The following PPP1R9B variants were observed in gnomAD, a reference collection of about 807,000 sequenced individuals.
PPP1R9B encodes neurabin-2.
Under a neutral mutation model 75.8 loss-of-function variants are expected in PPP1R9B, and 17 were observed. The ratio of observed to expected loss-of-function variants is 0.22; its 90% CI spans 0.15 to 0.34. The LOEUF (loss-of-function observed/expected upper bound fraction) is 0.34. PPP1R9B is among the 10% of genes least tolerant of loss of function. The pLI, the probability that PPP1R9B is intolerant of heterozygous loss-of-function variation, is 1.00. For synonymous variants in PPP1R9B, 509 were observed against 535.4 expected (o/e 0.95, Z 0.68); for missense variants, 875 against 1,196.0 (o/e 0.73, Z 3.96).
At chr17:50,135,904 G>A (rs1352053640) in intron 8 of PPP1R9B, 64 bp downstream of exon 8, 28 of 1,273,136 alleles carry the variant, frequency 2.2e-5, no homozygotes, top group Non-Finnish European at 2.7e-5. Flanking sequence ...GGATGGGGAG[G>A]GACTGTCCCC....
rs1023446487 is a variant in PPP1R9B, at chr17:50,134,907, G to A, written c.*424C>T. On this transcript the variant is annotated 3_prime_UTR_variant, in exon 10 of 10. Transcript: ENST00000612501. The stretch of plus-strand genomic sequence containing the variant: ...GTAGAATCTCAAGTCAAGAGGCCCA[G>A]GGGCCACCCAGGTGCCCCATGGGCA... 2.6e-5 allele frequency: 5 copies of A among 191,474 alleles called. No homozygotes were observed. The highest frequency in any genetic ancestry group is 5.5e-5 in the Non-Finnish European group (5 of 91,648). The allele number at this position is 191,474 out of a possible 1,614,324, so 11.9% of individuals were successfully genotyped here.
At chr17:50,140,981 G>A (rs1026273045) in intron 4 of PPP1R9B, among the ~76,000 whole-genome samples, 4 of 152,166 alleles carry the variant, frequency 2.6e-5, no homozygotes, top group Non-Finnish European at 5.9e-5. Context: ...AGTGAGTCAG[G>A]GACAGGTAGG....
At position 50,149,647 on chromosome 17, in the gene PPP1R9B, G is replaced by C. The variant is rs1426614094; in HGVS notation, c.867C>G (p.Pro289=). The C allele has an allele frequency of 5.9e-6, 9 of 1,515,558 alleles. No individual in the cohort carries two copies. Among genetic ancestry groups the C allele is most frequent in the Middle Eastern group, 1.7e-4 (1 of 5,902 alleles). 93.9% of individuals were successfully genotyped at this position (1,515,558 alleles called of 1,614,324 possible). Reference sequence around the variant, plus strand: ...TCTTGCGCACCTCCCGGGGCTTGGGGGGCGGCCGGGCAGGGGCCACTCGGT... The same window carrying C: ...TCTTGCGCACCTCCCGGGGCTTGGGCGGCGGCCGGGCAGGGGCCACTCGGT... ...PQHRVAPARP[P]PKPREVRKIK... The change falls in exon 1 of 10, where the codon CCC becomes CCG. Residue 289 remains proline (P), a synonymous_variant. Transcript: ENST00000612501. The surrounding 1 kb of genome is among the most constrained non-coding windows in gnomAD (Gnocchi z 7.2).
At position 50,135,266 on chromosome 17, in the gene PPP1R9B, G is replaced by C; in HGVS notation, c.*65C>G. ...CTGGAAGGGGGAGGGGTGGGGTGTT[G>C]AGGACAGGGGAGGGAGGACAATGGG... On this transcript the variant is annotated 3_prime_UTR_variant, in exon 10 of 10. Coordinates refer to ENST00000612501, the MANE Select transcript of PPP1R9B (RefSeq NM_032595.5). 7.1e-7 allele frequency: 1 copy of C among 1,414,374 alleles called. No homozygotes were observed. The highest frequency in any genetic ancestry group is 1.0e-6 in the Non-Finnish European group (1 of 1,004,794). 87.6% of individuals were successfully genotyped at this position (1,414,374 alleles called of 1,614,324 possible).
chr17:50,139,364 C>T lies in PPP1R9B; in HGVS notation c.2020-48G>A, dbSNP rs767025041. On this transcript the variant is annotated intron_variant, in intron 6 of 9. Transcript: ENST00000612501. The surrounding 1 kb of genome is among the most constrained non-coding windows in gnomAD (Gnocchi z 5.0). Reference sequence around the variant, plus strand: ...CTCAGCTCCAGCAGGGTGGGGCAGGCAGTGCCAAGGGCAGGAGACCTGCCT... The same window carrying T: ...CTCAGCTCCAGCAGGGTGGGGCAGGTAGTGCCAAGGGCAGGAGACCTGCCT... The T allele has an allele frequency of 3.1e-6, 5 of 1,613,686 alleles. No homozygotes were observed. The highest frequency in any genetic ancestry group is 1.6e-4 in the Middle Eastern group (1 of 6,084).
intron 3 of PPP1R9B, 29 bp downstream of exon 3, chr17:50,143,569 G>T (rs1400858073): frequency 1.2e-6 from 2 of 1,613,318 alleles, no homozygotes; most frequent in Non-Finnish European, 1.7e-6. Flanking sequence ...AGGGAAAAAG[G>T]GTCAGGCGAG....
At chr17:50,140,261 G>T (rs1329392115) in intron 4 of PPP1R9B, 33 bp from the exon 5 acceptor site, 1 of 1,568,658 alleles carries the variant, frequency 6.4e-7, no homozygotes, top group East Asian at 2.4e-5. Flanking sequence ...CGCTGCCTCT[G>T]TCCTCAGCCA....
At position 50,139,401 on chromosome 17, in the gene PPP1R9B, C is replaced by T. The variant is rs1567728037; in HGVS notation, c.2019+28G>A. ...CAGGAGACCTGCCTGCCTTTCCCTCCACCACTCCAGGGAGCCCCTCCTCCC... is the reference window on the plus strand; with the variant it reads ...CAGGAGACCTGCCTGCCTTTCCCTCTACCACTCCAGGGAGCCCCTCCTCCC... On this transcript the variant is annotated intron_variant, in intron 6 of 9. Coordinates refer to ENST00000612501, the MANE Select transcript of PPP1R9B (RefSeq NM_032595.5). This position sits in a 1 kb window ranked among gnomAD's most constrained non-coding sequence, Gnocchi z 5.0. 1 of 1,612,710 alleles carries T rather than the reference C, an allele frequency of 6.2e-7. No homozygotes were observed. The highest frequency in any genetic ancestry group is 2.2e-5 in the East Asian group (1 of 44,860).
chr17:50,135,587 G>A lies in PPP1R9B; in HGVS notation c.2366C>T (p.Ala789Val). 1 of 1,611,040 alleles carries A rather than the reference G, an allele frequency of 6.2e-7. No individual in the cohort carries two copies. Reference sequence around the variant, plus strand: ...GAGCTTGTCCATCTCCTCCTTTCTGGCCAGCTCCGACTCCTCCAGAACCCG... The same window carrying A: ...GAGCTTGTCCATCTCCTCCTTTCTGACCAGCTCCGACTCCTCCAGAACCCG... ...QRRVLEESEL[A>V]RKEEMDKLLD... The change falls in exon 9 of 10, where the codon GCC (alanine) becomes GTC (valine). Residue 789 changes from alanine to valine, a missense_variant. Physicochemically the swap from Ala to Val is moderately conservative, Grantham distance 64. Transcript: ENST00000612501.
intron 1 of PPP1R9B, among the ~76,000 whole-genome samples, chr17:50,148,257 A>G (rs1912570376): frequency 6.6e-6 from 1 of 152,370 alleles, no homozygotes; most frequent in South Asian, 2.1e-4. Context: ...GACCCCCAAA[A>G]GGGGCAGCTC....
rs200538624 is a variant in PPP1R9B, at chr17:50,143,628, G to A, written c.1595C>T (p.Thr532Met). 3.4e-5 allele frequency: 55 copies of A among 1,613,618 alleles called. No homozygotes were observed. The highest frequency in any genetic ancestry group is 4.1e-5 in the Non-Finnish European group (48 of 1,179,760). The change falls in exon 3 of 10, where the codon ACG becomes ATG. Residue 532 changes from threonine to methionine, a missense_variant. Physicochemically the swap from Thr to Met is moderately conservative, Grantham distance 81. This residue lies in a region of PPP1R9B where 63 missense variants were observed against 160.2 expected (regional missense o/e 0.39). Transcript: ENST00000612501. The stretch of plus-strand genomic sequence containing the variant: ...ATCCCGATGGGCCGCACCACCCTCC[G>A]TCACGGTCTTGACGAAGATACCCAG... Reference protein sequence around the residue: ...EKLGIFVKTVTEGGAAHRDGR... With the variant: ...EKLGIFVKTVMEGGAAHRDGR...
intron 2 of PPP1R9B, 125 bp from the exon 3 acceptor site, chr17:50,143,843 T>C: frequency 7.6e-7 from 1 of 1,320,678 alleles, no homozygotes; most frequent in Non-Finnish European, 1.1e-6. Flanking sequence ...GTCCCACAAC[T>C]GAAGAAGGGA....
At position 50,136,200 on chromosome 17, in the gene PPP1R9B, G is replaced by A. The variant is rs1317313603; in HGVS notation, c.2074-3C>T. The stretch of plus-strand genomic sequence containing the variant: ...TTCTCCTGCTCCAGGCTCTGCAGCT[G>A]AGAGAGAAAGGCACGGCCCTGGGTT... On this transcript the variant is annotated splice_region_variant and splice_polypyrimidine_tract_variant and intron_variant, in intron 7 of 9. Coordinates refer to ENST00000612501, the MANE Select transcript of PPP1R9B (RefSeq NM_032595.5). 1 of 1,599,284 alleles carries A rather than the reference G, an allele frequency of 6.3e-7. No homozygotes were observed. The highest frequency in any genetic ancestry group is 1.7e-5 in the Admixed American group (1 of 59,924).
In PPP1R9B at chr17:50,149,992, C is replaced by A. The variant is rs780588413; in HGVS notation, c.522G>T (p.Glu174Asp). 2 of 1,499,690 alleles carry A rather than the reference C, an allele frequency of 1.3e-6. No individual in the cohort carries two copies. Among genetic ancestry groups the A allele is most frequent in the Non-Finnish European group, 1.8e-6 (2 of 1,133,938 alleles). 92.9% of individuals were successfully genotyped at this position (1,499,690 alleles called of 1,614,324 possible). A position where few individuals can be genotyped will look rare whatever the true frequency, so the allele number is the denominator to read the frequency against. The change falls in exon 1 of 10, where the codon GAG becomes GAT. Residue 174 changes from glutamate (E) to aspartate (D), a missense_variant. Around this residue, in one of 4 missense-constraint regions of PPP1R9B, gnomAD observed 449 missense variants for 475.0 expected, o/e 0.95. Transcript: ENST00000612501. This position sits in a 1 kb window ranked among gnomAD's most constrained non-coding sequence, Gnocchi z 7.2. ...EAAARRLLRQERAGLQDRKLD... is the reference protein window; with the variant it reads ...EAAARRLLRQDRAGLQDRKLD... ...GCTTCCGGTCCTGCAGGCCGGCGCG[C>A]TCCTGCCTCAGCAGCCGCCGCGCCG...
intron 3 of PPP1R9B, 35 bp from the exon 4 acceptor site, chr17:50,141,408 G>T (rs1279672160): frequency 2.1e-6 from 3 of 1,447,096 alleles, no homozygotes; most frequent in South Asian, 2.5e-5. Flanking sequence ...GGTCACAGGG[G>T]AACCGAGGAG....
rs1912416166 is a variant in PPP1R9B, at chr17:50,142,676, G to A, written c.1625+922C>T. Among the ~76,000 whole-genome samples the A allele has an allele frequency of 6.6e-6, 1 of 152,080 alleles. No homozygotes were observed. Among genetic ancestry groups the A allele is most frequent in the Non-Finnish European group, 1.5e-5 (1 of 68,002 alleles). On this transcript the variant is annotated intron_variant, in intron 3 of 9. Coordinates refer to ENST00000612501, the MANE Select transcript of PPP1R9B (RefSeq NM_032595.5). This position sits in a 1 kb window ranked among gnomAD's most constrained non-coding sequence, Gnocchi z 4.1. ...CCTCTAACTTACAGCCACCCTGGGG[G>A]ATGCCCTACAGCCCTTCCTACTGCC...
At chr17:50,138,153 CGTGTGTGTGTGT>C (rs58489923) in intron 7 of PPP1R9B, among the ~76,000 whole-genome samples, 1,935 of 146,404 alleles carry the variant, frequency 0.013, 23 homozygotes, top group African/African-American at 0.032. Context: ...GTGTATACTA[CGTGTGTGTGTGT>C]GTGTGTGTGT....
rs1304910243 is a variant in PPP1R9B at position 50,134,985 on chromosome 17, C to A, written c.*346G>T. Reference sequence around the variant, plus strand: ...GGGAGAGCCCCAGCCCCGTTCCAGTCCAGAGACAAAAGCTGGAGTGTGTAA... The same window carrying A: ...GGGAGAGCCCCAGCCCCGTTCCAGTACAGAGACAAAAGCTGGAGTGTGTAA... On this transcript the variant is annotated 3_prime_UTR_variant, in exon 10 of 10. Transcript: ENST00000612501. 3.2e-6 allele frequency: 1 copy of A among 309,106 alleles called. No homozygotes were observed. Among genetic ancestry groups the A allele is most frequent in the Non-Finnish European group, 6.2e-6 (1 of 161,554 alleles). The allele number at this position is 309,106 out of a possible 1,614,324, so 19.1% of individuals were successfully genotyped here.
At chr17:50,138,252 A>C (rs1230096603) in intron 7 of PPP1R9B, among the ~76,000 whole-genome samples, 1 of 151,810 alleles carries the variant, frequency 6.6e-6, no homozygotes, top group Non-Finnish European at 1.5e-5. Flanking sequence ...TGCCCAGATG[A>C]GAATATGCAT....
Sources: gnomAD v4.1 joint callset for allele counts (sites outside exome capture counted in the v4.1 genomes callset) on GRCh38, gnomAD v4.1.1 for gene constraint, gnomAD v4.1.1 regional missense constraint, Gnocchi (gnomAD v3.1) non-coding constraint, MANE v1.5 for transcripts, NCBI Gene and HGNC (gene_info 2026-07-23, HGNC 2026-07-21) for gene names.